Variants in CNBD2 observed in about 807,000 individuals in gnomAD.
The protein encoded by CNBD2 is cyclic nucleotide-binding domain-containing protein 2.
In CNBD2, 64 loss-of-function variants were observed where a neutral mutation model predicts 63.7. That is an observed-to-expected ratio of 1.00 (90% CI 0.82 to 1.24). The LOEUF is 1.24. CNBD2 is among the 50% of genes most tolerant of loss of function. The pLI, the probability that CNBD2 is intolerant of heterozygous loss-of-function variation, is 0.00. For synonymous variants in CNBD2, 229 were observed against 255.4 expected (o/e 0.90, Z 0.99); for missense variants, 691 against 713.5 (o/e 0.97, Z 0.36).
chr20:35,974,269 TAGA>T (rs2056467017), intron 2 of CNBD2: 1 of 153,220 alleles, frequency 6.5e-6, no homozygotes, highest in Non-Finnish European at 1.5e-5. Context: ...ACGAATGGAG[TAGA>T]AGAACTGTAA....
chr20:35,974,821 T>G (rs2056477227), intron 2 of CNBD2: 1 of 152,218 alleles, frequency 6.6e-6, no homozygotes, highest in Non-Finnish European at 1.5e-5. Flanking sequence ...ACTGACTTGC[T>G]GTGTGATCCT....
At chr20:35,985,191 T>C (rs1197435344) in intron 6 of CNBD2, among the ~76,000 whole-genome samples, 1 of 152,018 alleles carries the variant, frequency 6.6e-6, no homozygotes, top group African/African-American at 2.4e-5. Context: ...TTCAGCTACT[T>C]GGGAGGCTGA....
chr20:36,012,458 CAA>C (rs2057074599), intron 10 of CNBD2, among the ~76,000 whole-genome samples: 1 of 145,428 alleles, frequency 6.9e-6, no homozygotes, highest in African/African-American at 2.6e-5. Context: ...TCTTGGGTGA[CAA>C]GAGCGAAACT....
At chr20:35,997,912 C>CA (rs1375967170) in intron 8 of CNBD2, among the ~76,000 whole-genome samples, 1 of 152,064 alleles carries the variant, frequency 6.6e-6, no homozygotes, top group Non-Finnish European at 1.5e-5. Context: ...TTATTCAGTT[C>CA]AAAATACCTT....
intron 8 of CNBD2, among the ~76,000 whole-genome samples, chr20:36,005,600 A>G (rs186618422): frequency 6.6e-6 from 1 of 152,120 alleles, no homozygotes; most frequent in East Asian, 1.9e-4. Context: ...GGCTTTTTAT[A>G]TGTGTTTTGT....
intron 6 of CNBD2, among the ~76,000 whole-genome samples, 173 bp downstream of exon 6, chr20:35,984,951 C>T (rs927654908): frequency 1.3e-5 from 2 of 152,012 alleles, no homozygotes; most frequent in African/African-American, 2.4e-5. Flanking sequence ...ACTATCCCTT[C>T]GGGTCTCAGC....
intron 7 of CNBD2, among the ~76,000 whole-genome samples, chr20:35,989,266 G>T (rs1190708824): frequency 2.0e-5 from 3 of 152,180 alleles, no homozygotes; most frequent in Non-Finnish European, 4.4e-5. Context: ...TTTCTGTCTG[G>T]TTCTTACAGA....
At chr20:36,028,994 C>G (rs888869300) in intron 11 of CNBD2, among the ~76,000 whole-genome samples, 1 of 152,064 alleles carries the variant, frequency 6.6e-6, no homozygotes, top group Admixed American at 6.6e-5. Context: ...TTTTTTAAAG[C>G]CTGAAAGGAC....
At chr20:35,967,151 C>T (rs552117814), upstream of CNBD2, among the ~76,000 whole-genome samples, 8 of 148,552 alleles carry the variant, frequency 5.4e-5, no homozygotes, top group Middle Eastern at 3.4e-3. Context: ...CTCGACCAGG[C>T]GGTAGATAAG....
At chr20:35,954,642 G>A, upstream of CNBD2, 1 of 1,293,584 alleles carries the variant, frequency 7.7e-7, no homozygotes, top group South Asian at 1.5e-5. Flanking sequence ...GGCTCCTTCC[G>A]AATGGTGGCG....
At chr20:35,963,249 A>G (rs373102309) in intron 2 of CNBD2, among the ~76,000 whole-genome samples, 4 of 151,764 alleles carry the variant, frequency 2.6e-5, no homozygotes, top group African/African-American at 9.7e-5. Flanking sequence ...CTGAGGTGAG[A>G]GGATCACCTG....
intron 10 of CNBD2, among the ~76,000 whole-genome samples, chr20:36,018,075 C>G (rs555155227): frequency 6.6e-6 from 1 of 152,348 alleles, no homozygotes. Context: ...TTATTAACAT[C>G]TTACATTTAT....
At position 36,030,384 on chromosome 20, in the gene CNBD2, C is replaced by A; in HGVS notation, c.1467C>A (p.Leu489=). 2 of 1,614,146 alleles carry A rather than the reference C, an allele frequency of 1.2e-6. No homozygotes were observed. The part of the protein sequence containing the change: ...PSDEDMCQKF[L]QQNSWNIFRK... ...ATGAAGATATGTGCCAGAAGTTCCT[C>A]CAGCAGAACAGCTGGAATATCTTTC... Residue 489 remains leucine, a synonymous_variant, in exon 12 of 12, where the codon CTC becomes CTA. Transcript: ENST00000373973.
intron 11 of CNBD2, among the ~76,000 whole-genome samples, chr20:36,024,428 A>G (rs1001732731): frequency 1.3e-5 from 2 of 151,870 alleles, no homozygotes; most frequent in African/African-American, 4.8e-5. Flanking sequence ...CAGGAGTTTG[A>G]GACCAGGCTG....
At chr20:36,024,126 A>G (rs952789459) in intron 11 of CNBD2, among the ~76,000 whole-genome samples, 4 of 152,188 alleles carry the variant, frequency 2.6e-5, no homozygotes, top group Non-Finnish European at 4.4e-5. Context: ...ACTTGAGGTC[A>G]GGAGTTTGAG....
At chr20:35,991,902 T>C (rs1161874173) in intron 7 of CNBD2, among the ~76,000 whole-genome samples, 1 of 151,906 alleles carries the variant, frequency 6.6e-6, no homozygotes, top group Non-Finnish European at 1.5e-5. Flanking sequence ...TTTTTTGAGA[T>C]GGAGTTTCAT....
chr20:35,984,723 A>G lies in CNBD2; in HGVS notation c.661A>G (p.Asn221Asp). 6.2e-7 allele frequency: 1 copy of G among 1,614,204 alleles called. No individual in the cohort carries two copies. The highest frequency in any genetic ancestry group is 8.5e-7 in the Non-Finnish European group (1 of 1,180,022). Residue 221 changes from asparagine (N) to aspartate (D), a missense_variant, in exon 6 of 12, where the codon AAT (asparagine) becomes GAT (aspartate). Transcript: ENST00000373973. ...LVVDREDFFANKLDQEVQKDA... is the reference protein window; with the variant it reads ...LVVDREDFFADKLDQEVQKDA... ...TGTTGACCGGGAGGACTTCTTTGCT[A>G]ATAAGCTGGACCAGGAAGTTCAGAA...
chr20:36,012,725 G>A (rs1244103531), intron 10 of CNBD2, among the ~76,000 whole-genome samples: 1 of 150,308 alleles, frequency 6.7e-6, no homozygotes, highest in East Asian at 2.0e-4. Context: ...GGGAGGCTGT[G>A]TCAGGAGAAT....
In CNBD2 at chr20:36,011,183, CCTGGTGAG is replaced by C; in HGVS notation, c.1198_1205del (p.Gly400ProfsTer32). On this transcript the variant is annotated frameshift_variant, in exon 10 of 12. Coordinates refer to ENST00000373973, the MANE Select transcript of CNBD2 (RefSeq NM_001365709.1). LOFTEE classifies it high-confidence loss of function. Reference sequence around the variant, plus strand: ...CAAATGTGCCATGATCAATATCAAGCCTGGTGAGCTCCCCAAGGAGGCTGCAGTGGGGG... The same window carrying C: ...CAAATGTGCCATGATCAATATCAAGCCTCCCCAAGGAGGCTGCAGTGGGGG... 6.3e-7 allele frequency: 1 copy of C among 1,598,422 alleles called. No homozygotes were observed. Among genetic ancestry groups the C allele is most frequent in the South Asian group, 1.1e-5 (1 of 88,474 alleles).
Sources: allele counts gnomAD v4.1 joint callset (sites outside exome capture counted in the v4.1 genomes callset), GRCh38; gene constraint gnomAD v4.1.1; transcripts MANE v1.5; gene names NCBI Gene and HGNC (gene_info 2026-07-23, HGNC 2026-07-21).